Variants in FAM171B observed in about 807,000 individuals in gnomAD.
The protein encoded by FAM171B is family with sequence similarity 171 member B.
A neutral mutation model predicts 75.6 loss-of-function variants in FAM171B; 19 were observed. That is an observed-to-expected ratio of 0.25 (90% confidence interval 0.18 to 0.37). The LOEUF (loss-of-function observed/expected upper bound fraction) is 0.37, where lower values mean the gene tolerates loss of function less well. FAM171B is among the 10% of genes least tolerant of loss of function. The probability of loss-of-function intolerance (pLI) is 1.00; values close to 1 mark genes in which losing one functional copy is unlikely to be tolerated. For synonymous variants in FAM171B, 367 were observed against 361.7 expected (o/e 1.01, Z -0.17); for missense variants, 848 against 982.4 (o/e 0.86, Z 1.83).
rs780686127 is a variant in FAM171B, at chr2:186,765,407, A to G, written c.*2584A>G. On this transcript the variant is annotated 3_prime_UTR_variant, in exon 8 of 8. Coordinates refer to ENST00000304698, the MANE Select transcript of FAM171B (RefSeq NM_177454.4). ...CTGTATGTATTTTTGAATACATATT[A>G]TGATCTTGAGACTTTATAAATCAAT... The G allele has an allele frequency of 3.3e-5, 5 of 152,096 alleles. No homozygotes were observed. The highest frequency in any genetic ancestry group is 6.6e-5 in the Admixed American group (1 of 15,240). The allele number at this position is 152,096 out of a possible 1,614,324, so 9.4% of individuals were successfully genotyped here.
intron 1 of FAM171B, among the ~76,000 whole-genome samples, chr2:186,709,387 T>A (rs1414746760): frequency 6.6e-6 from 1 of 152,194 alleles, no homozygotes; most frequent in African/African-American, 2.4e-5. Context: ...TCTTCCATAG[T>A]GCCCACATTT....
At chr2:186,730,246 A>C (rs1185249407) in intron 1 of FAM171B, among the ~76,000 whole-genome samples, 1 of 152,222 alleles carries the variant, frequency 6.6e-6, no homozygotes, top group Non-Finnish European at 1.5e-5. Flanking sequence ...GGCGTGAGCC[A>C]CCACACCTGG....
chr2:186,725,863 A>G (rs558708170), intron 1 of FAM171B, among the ~76,000 whole-genome samples: 1 of 152,350 alleles, frequency 6.6e-6, no homozygotes, highest in Non-Finnish European at 1.5e-5. Context: ...ACAAGTCAGG[A>G]TGACAAATGC....
At chr2:186,698,342 GA>G (rs766013890) in intron 1 of FAM171B, among the ~76,000 whole-genome samples, 1 of 152,170 alleles carries the variant, frequency 6.6e-6, no homozygotes, top group Non-Finnish European at 1.5e-5. Context: ...ATATTTCAGT[GA>G]TATCTATTTT....
intron 4 of FAM171B, among the ~76,000 whole-genome samples, chr2:186,747,470 A>C (rs1044509488): frequency 6.6e-6 from 1 of 152,126 alleles, no homozygotes; most frequent in African/African-American, 2.4e-5. Context: ...CATTATTTCA[A>C]ATGCATGGAA....
chr2:186,739,771 A>C (rs1322017641), intron 1 of FAM171B, among the ~76,000 whole-genome samples: 2 of 152,238 alleles, frequency 1.3e-5, no homozygotes, highest in Non-Finnish European at 2.9e-5. Flanking sequence ...TAATGATTAA[A>C]AAGTATAGTA....
In FAM171B at chr2:186,694,177, G is replaced by T. The variant is rs757786322; in HGVS notation, c.4G>T (p.Ala2Ser). The T allele has an allele frequency of 1.3e-6, 2 of 1,596,134 alleles. No homozygotes were observed. The highest frequency in any genetic ancestry group is 1.7e-6 in the Non-Finnish European group (2 of 1,176,682). The change falls in exon 1 of 8, where the codon GCG (alanine) becomes TCG (serine). Residue 2 changes from alanine (A) to serine (S), a missense_variant. Transcript: ENST00000304698. ...CGCGGCCCTCTGGCTCTAGGCCATG[G>T]CGAGGCTCTGCCGGCGTGTCCCCTG... M[A>S]RLCRRVPCTL...
chr2:186,726,998 A>T (rs1690043919), intron 1 of FAM171B, among the ~76,000 whole-genome samples: 1 of 151,750 alleles, frequency 6.6e-6, no homozygotes, highest in Admixed American at 6.6e-5. Context: ...GCCACTTCTG[A>T]TCTCTTTCTC....
chr2:186,751,991 C>T (rs1690462937), intron 5 of FAM171B, among the ~76,000 whole-genome samples: 1 of 152,146 alleles, frequency 6.6e-6, no homozygotes, highest in Non-Finnish European at 1.5e-5. Context: ...GGTTTCTCTC[C>T]TCCTTCACTC....
At chr2:186,695,849 C>G (rs1689571007) in intron 1 of FAM171B, among the ~76,000 whole-genome samples, 1 of 152,138 alleles carries the variant, frequency 6.6e-6, no homozygotes, top group Admixed American at 6.5e-5. Context: ...TTGGATATAT[C>G]AGATTGATTG....
At position 186,762,648 on chromosome 2, in the gene FAM171B, G is replaced by T; in HGVS notation, c.2306G>T (p.Gly769Val). The T allele has an allele frequency of 6.2e-7, 1 of 1,613,274 alleles. No individual in the cohort carries two copies. The highest frequency in any genetic ancestry group is 8.5e-7 in the Non-Finnish European group (1 of 1,179,644). The change falls in exon 8 of 8, where the codon GGA becomes GTA. Residue 769 changes from glycine to valine, a missense_variant. Gly to Val is a moderately radical substitution (Grantham distance 109, BLOSUM62 -3). This residue lies in a region of FAM171B where 136 missense variants were observed against 159.3 expected (regional missense o/e 0.85). Coordinates refer to ENST00000304698, the MANE Select transcript of FAM171B (RefSeq NM_177454.4). The surrounding 1 kb of genome is among the most constrained non-coding windows in gnomAD (Gnocchi z 4.0). ...AGGCACATCCTAGATGGAGGGAGTG[G>T]AGTGATCATGGAGCACCCTGGAGAA... The part of the protein sequence containing the change: ...ALRHILDGGS[G>V]VIMEHPGEES...
intron 1 of FAM171B, among the ~76,000 whole-genome samples, chr2:186,698,951 A>T (rs1689617967): frequency 6.6e-6 from 1 of 152,160 alleles, no homozygotes; most frequent in Non-Finnish European, 1.5e-5. Context: ...GTTGCAAATG[A>T]GAGGATCTGA....
chr2:186,695,286 G>T (rs973373175), intron 1 of FAM171B: 1 of 152,150 alleles, frequency 6.6e-6, no homozygotes, highest in East Asian at 1.9e-4. Context: ...AGCTCCATCG[G>T]TAAGCAAATA....
At chr2:186,725,162 G>A (rs548242268) in intron 1 of FAM171B, among the ~76,000 whole-genome samples, 1 of 150,348 alleles carries the variant, frequency 6.7e-6, no homozygotes, top group Non-Finnish European at 1.5e-5. Flanking sequence ...GGCTAACACG[G>A]TGAAACCCTG....
chr2:186,727,502 G>A (rs950485152), intron 1 of FAM171B, among the ~76,000 whole-genome samples: 9 of 152,292 alleles, frequency 5.9e-5, no homozygotes, highest in South Asian at 2.1e-4. Flanking sequence ...GTGCCAGATA[G>A]CATTGTAGCA....
Position 186,763,153 on chromosome 2 carries a change from C to T in FAM171B, c.*330C>T, listed in dbSNP as rs1377008312. ...GAATAACAGTGAAATATATACTCCT[C>T]AAGTTGCCTCCAAAAATGTTGCCTC... On this transcript the variant is annotated 3_prime_UTR_variant, in exon 8 of 8. Coordinates refer to ENST00000304698, the MANE Select transcript of FAM171B (RefSeq NM_177454.4). 2 of 195,750 alleles carry T rather than the reference C, an allele frequency of 1.0e-5. No individual in the cohort carries two copies. Among genetic ancestry groups the T allele is most frequent in the Admixed American group, 1.1e-4 (2 of 18,268 alleles). The allele number at this position is 195,750 out of a possible 1,614,324, so 12.1% of individuals were successfully genotyped here.
chr2:186,698,466 T>C (rs1689611376), intron 1 of FAM171B, among the ~76,000 whole-genome samples: 1 of 152,204 alleles, frequency 6.6e-6, no homozygotes, highest in South Asian at 2.1e-4. Flanking sequence ...GCCATTGTTT[T>C]TTCACCCATA....
chr2:186,718,611 T>C (rs1689906621), intron 1 of FAM171B, among the ~76,000 whole-genome samples: 4 of 152,208 alleles, frequency 2.6e-5, no homozygotes, highest in Admixed American at 2.6e-4. Flanking sequence ...CAGGTTGAAA[T>C]TGGGGAATAT....
chr2:186,723,519 C>T (rs538186568), intron 1 of FAM171B, among the ~76,000 whole-genome samples: 13 of 151,780 alleles, frequency 8.6e-5, no homozygotes, highest in Non-Finnish European at 1.8e-4. Flanking sequence ...AAATTTGGTT[C>T]TAGTATTTTT....
Sources: allele counts gnomAD v4.1 joint callset (sites outside exome capture counted in the v4.1 genomes callset), GRCh38; gene constraint gnomAD v4.1.1; regional missense constraint gnomAD v4.1.1; non-coding constraint Gnocchi (gnomAD v3.1); transcripts MANE v1.5; gene names NCBI Gene and HGNC (gene_info 2026-07-23, HGNC 2026-07-21).